Variants in CSMD3 observed in about 807,000 individuals in gnomAD.
CSMD3 encodes CUB and Sushi multiple domains 3, also known as CUB and sushi domain-containing protein 3.
Under a neutral mutation model 435.2 loss-of-function variants are expected in CSMD3, and 177 were observed. The observed-to-expected ratio is 0.41, with a 90% CI of 0.36 to 0.46. CSMD3 has a LOEUF of 0.46. CSMD3 is among the 20% of genes least tolerant of loss of function. CSMD3 has a pLI of 0.34. For missense variants in CSMD3, 4,265 were observed against 4,504.6 expected (o/e 0.95, Z 1.52); for synonymous variants, 1,656 against 1,520.5 (o/e 1.09, Z -2.07).
At chr8:112,607,582 A>C (rs1832899212) in intron 22 of CSMD3, among the ~76,000 whole-genome samples, 1 of 152,190 alleles carries the variant, frequency 6.6e-6, no homozygotes, top group South Asian at 2.1e-4. Flanking sequence ...AATCCTAAAA[A>C]AATTTTAACA....
At chr8:112,499,204 A>G (rs1212725092) in intron 30 of CSMD3, among the ~76,000 whole-genome samples, 1 of 152,156 alleles carries the variant, frequency 6.6e-6, no homozygotes. Flanking sequence ...AATATGAAGC[A>G]AAAAATAAAA....
chr8:112,804,657 TTTA>T, intron 12 of CSMD3, among the ~76,000 whole-genome samples: 3 of 5,306 alleles, frequency 5.7e-4, no homozygotes, highest in Admixed American at 1.8e-3. Flanking sequence ...TTGCATTTAT[TTTA>T]TTTTATTTTA....
intron 5 of CSMD3, among the ~76,000 whole-genome samples, chr8:113,020,254 A>G (rs1406415870): frequency 6.6e-6 from 1 of 151,906 alleles, no homozygotes; most frequent in Admixed American, 6.6e-5. Context: ...AACAGATTGT[A>G]TATATCCAAA....
At chr8:112,708,099 G>T (rs2076536571) in intron 13 of CSMD3, among the ~76,000 whole-genome samples, 1 of 152,070 alleles carries the variant, frequency 6.6e-6, no homozygotes, top group Non-Finnish European at 1.5e-5. Context: ...AATTCAGAGG[G>T]AGAAAAAGTT....
At chr8:112,721,730 G>A (rs2076862896) in intron 13 of CSMD3, among the ~76,000 whole-genome samples, 1 of 152,112 alleles carries the variant, frequency 6.6e-6, no homozygotes, top group Non-Finnish European at 1.5e-5. Flanking sequence ...GAAACATCGA[G>A]TGAGGCCTTA....
At chr8:113,326,576 A>G (rs1036745951) in intron 1 of CSMD3, among the ~76,000 whole-genome samples, 8 of 152,162 alleles carry the variant, frequency 5.3e-5, no homozygotes, top group Non-Finnish European at 1.0e-4. Flanking sequence ...ACATATTAGT[A>G]CGCTCTACAT....
chr8:112,622,083 G>A (rs1307379365), intron 22 of CSMD3, among the ~76,000 whole-genome samples: 2 of 152,138 alleles, frequency 1.3e-5, no homozygotes, highest in Non-Finnish European at 2.9e-5. Flanking sequence ...TTCCGATTGG[G>A]AAACCAAATA....
intron 1 of CSMD3, among the ~76,000 whole-genome samples, chr8:113,333,540 C>T (rs1300180537): frequency 1.3e-5 from 2 of 151,736 alleles, no homozygotes; most frequent in Admixed American, 6.6e-5. Context: ...TCTACATTTC[C>T]GTAAATGAAA....
At chr8:112,456,866 C>T (rs1816890579) in intron 32 of CSMD3, among the ~76,000 whole-genome samples, 1 of 151,952 alleles carries the variant, frequency 6.6e-6, no homozygotes, top group Non-Finnish European at 1.5e-5. Flanking sequence ...TGATTACAAA[C>T]TCAAACATGA....
intron 6 of CSMD3, among the ~76,000 whole-genome samples, chr8:112,998,553 C>T (rs2085741195): frequency 6.6e-6 from 1 of 151,982 alleles, no homozygotes; most frequent in African/African-American, 2.4e-5. Flanking sequence ...TTGAAAAACA[C>T]TCTCTCCACA....
chr8:112,568,072 GT>G (rs1829200915), intron 24 of CSMD3, among the ~76,000 whole-genome samples: 1 of 152,150 alleles, frequency 6.6e-6, no homozygotes. Flanking sequence ...ATTCTGGGAG[GT>G]TTGAGGGATG....
At chr8:112,735,036 G>T (rs943934137) in intron 13 of CSMD3, among the ~76,000 whole-genome samples, 1 of 151,932 alleles carries the variant, frequency 6.6e-6, no homozygotes, top group Non-Finnish European at 1.5e-5. Context: ...TTTGATTGTA[G>T]CAGAGAACAT....
chr8:112,576,835 C>CATATAT lies in CSMD3; in HGVS notation c.3886-3184_3886-3179dup, dbSNP rs5894088. 4.0e-3 allele frequency among the ~76,000 whole-genome samples: 284 copies of CATATAT among 71,592 alleles called. 1 individual carries two copies. The highest frequency in any genetic ancestry group is 8.9e-3 in the African/African-American group (253 of 28,376). 47.0% of individuals were successfully genotyped at this position (71,592 alleles called of 152,430 possible). ...ATGAGCCACTGCACCAGGCAGCATA[C>CATATAT]ATATATATATATATATATATATGAA... On this transcript the variant is annotated intron_variant, in intron 23 of 70. Transcript: ENST00000297405.
chr8:112,825,473 G>A (rs772712335), intron 12 of CSMD3, among the ~76,000 whole-genome samples: 2 of 152,036 alleles, frequency 1.3e-5, no homozygotes, highest in African/African-American at 2.4e-5. Context: ...AGTTTCTATC[G>A]TTGTGGCTGC....
chr8:113,147,404 A>G (rs533672479), intron 4 of CSMD3, among the ~76,000 whole-genome samples: 104 of 151,842 alleles, frequency 6.8e-4, no homozygotes, highest in African/African-American at 2.3e-3. Flanking sequence ...TTTTCTTCTC[A>G]GAACACTCTC....
intron 3 of CSMD3, among the ~76,000 whole-genome samples, chr8:113,241,661 A>C (rs2093219299): frequency 6.6e-6 from 1 of 151,922 alleles, no homozygotes; most frequent in Non-Finnish European, 1.5e-5. Flanking sequence ...GGCAGTGTGG[A>C]AGTATAGTTT....
intron 55 of CSMD3, among the ~76,000 whole-genome samples, chr8:112,292,255 C>G (rs921923080): frequency 5.3e-5 from 8 of 151,902 alleles, no homozygotes; most frequent in African/African-American, 1.9e-4. Flanking sequence ...AAAACAGATA[C>G]AAATAAGAGA....
At chr8:113,061,416 T>C (rs1489212690) in intron 5 of CSMD3, among the ~76,000 whole-genome samples, 1 of 151,870 alleles carries the variant, frequency 6.6e-6, no homozygotes, top group Non-Finnish European at 1.5e-5. Flanking sequence ...AGTCAGGAAG[T>C]TAAGCTCCTA....
rs1237556908 is a variant in CSMD3 at position 113,207,383 on chromosome 8, TTC to T, written c.515-33469_515-33468del. Among the ~76,000 whole-genome samples the T allele has an allele frequency of 3.5e-5, 5 of 142,030 alleles. No individual in the cohort carries two copies. In the South Asian group the frequency reaches 1.2e-3, roughly 33 times the overall value. The allele number at this position is 142,030 out of a possible 152,430, so 93.2% of individuals were successfully genotyped here. A position where few individuals can be genotyped will look rare whatever the true frequency, so the allele number is the denominator to read the frequency against. Reference sequence around the variant, plus strand: ...GAAATATAATAAACATCAATTATTTTTCTTTTTTTTTTTTTTTAGATGGATCC... The same window carrying T: ...GAAATATAATAAACATCAATTATTTTTTTTTTTTTTTTTTTAGATGGATCC... On this transcript the variant is annotated intron_variant, in intron 3 of 70. Coordinates refer to ENST00000297405, the MANE Select transcript of CSMD3 (RefSeq NM_198123.2).
Sources: allele counts gnomAD v4.1 joint callset (sites outside exome capture counted in the v4.1 genomes callset), GRCh38; gene constraint gnomAD v4.1.1; transcripts MANE v1.5; gene names NCBI Gene and HGNC (gene_info 2026-07-23, HGNC 2026-07-21).